The following COQ9 variants were observed in gnomAD, a reference collection of about 807,000 sequenced individuals.
COQ9 encodes the protein ubiquinone biosynthesis protein COQ9, mitochondrial.
Under a neutral mutation model 42.4 loss-of-function variants are expected in COQ9, and 35 were observed. The observed-to-expected ratio is 0.83, with a 90% CI of 0.63 to 1.10. The LOEUF is 1.10. COQ9 is among the 50% of genes least tolerant of loss of function. The pLI is 0.00. For missense variants in COQ9, 406 were observed against 414.6 expected, an observed-to-expected ratio of 0.98 and a Z score of 0.18; for synonymous variants, 155 against 155.1, an observed-to-expected ratio of 1.00 and a Z score of 0.00.
chr16:57,450,362 C>T (rs2030255033), intron 1 of COQ9, among the ~76,000 whole-genome samples: 1 of 148,616 alleles, frequency 6.7e-6, no homozygotes, highest in Admixed American at 6.8e-5. Context: ...TTGCAGTGAG[C>T]CGAGATAATC....
intron 1 of COQ9, among the ~76,000 whole-genome samples, chr16:57,450,531 C>G (rs1403634747): frequency 6.6e-6 from 1 of 151,636 alleles, no homozygotes; most frequent in East Asian, 1.9e-4. Context: ...GGAGATGTTG[C>G]AGATATTGCA....
rs564965604 is a variant in COQ9, at chr16:57,450,606, G to A, written c.74-434G>A. 1.8e-4 allele frequency among the ~76,000 whole-genome samples: 28 copies of A among 152,148 alleles called. No individual in the cohort carries two copies. The South Asian group carries it at 5.8e-3, about 32-fold the overall frequency. ...TACCATATAAACACTGGGGGAGTAG[G>A]GCTGAGACATTAAATTACTATTCCA... On this transcript the variant is annotated intron_variant, in intron 1 of 8. Transcript: ENST00000262507.
intron 1 of COQ9, 24 bp from the exon 2 acceptor site, chr16:57,451,016 C>T (rs766019914): frequency 3.1e-6 from 5 of 1,613,106 alleles, no homozygotes; most frequent in Non-Finnish European, 4.2e-6. Flanking sequence ...TTGAATGTCC[C>T]TGACTGACCA....
intron 3 of COQ9, among the ~76,000 whole-genome samples, chr16:57,456,236 TA>T (rs1259650872): frequency 2.6e-5 from 4 of 152,056 alleles, no homozygotes; most frequent in African/African-American, 9.7e-5. Context: ...GCTTAGTTTC[TA>T]AAAAAGAAAG....
chr16:57,453,223 G>A (rs922742103), intron 3 of COQ9: 1 of 500,608 alleles, frequency 2.0e-6, no homozygotes, highest in African/African-American at 1.9e-5. Flanking sequence ...AGATGCCATT[G>A]GTTGTAAGAA....
Position 57,460,782 on chromosome 16 carries a change from A to G in COQ9, c.*158A>G. On this transcript the variant is annotated 3_prime_UTR_variant, in exon 9 of 9. Coordinates refer to ENST00000262507, the MANE Select transcript of COQ9 (RefSeq NM_020312.4). ...CACAGCCACCTGGAAACCACAAGGCATTTGATGCTACCGTTCTGGTCAGGG... is the reference window on the plus strand; with the variant it reads ...CACAGCCACCTGGAAACCACAAGGCGTTTGATGCTACCGTTCTGGTCAGGG... 1 of 704,118 alleles carries G rather than the reference A, an allele frequency of 1.4e-6. No individual in the cohort carries two copies. Among genetic ancestry groups the G allele is most frequent in the Non-Finnish European group, 2.6e-6 (1 of 391,206 alleles). 43.6% of individuals were successfully genotyped at this position (704,118 alleles called of 1,614,324 possible).
intron 1 of COQ9, among the ~76,000 whole-genome samples, chr16:57,448,825 T>C (rs1455096425): frequency 6.6e-6 from 1 of 151,982 alleles, no homozygotes; most frequent in Non-Finnish European, 1.5e-5. Flanking sequence ...AAAAAGTTAG[T>C]ACAAGTATAT....
At position 57,456,664 on chromosome 16, in the gene COQ9, A is replaced by G. The variant is rs779539548; in HGVS notation, c.521+18A>G. On this transcript the variant is annotated intron_variant, in intron 4 of 8. Transcript: ENST00000262507. ...CAGGCGGAGTAAGTCCCATGGCATT[A>G]CTACTCAGGGTGGCAGCTAAGGATC... The G allele has an allele frequency of 2.5e-6, 4 of 1,611,492 alleles. No individual in the cohort carries two copies. In the African/African-American group the frequency reaches 5.3e-5, roughly 22 times the overall value.
At chr16:57,460,485 A>C in intron 8 of COQ9, 104 bp from the exon 9 acceptor site, 1 of 1,223,812 alleles carries the variant, frequency 8.2e-7, no homozygotes, top group Non-Finnish European at 1.2e-6. Flanking sequence ...TCTCTATGCA[A>C]AAAAGAAAAA....
chr16:57,458,494 T>C lies in COQ9; in HGVS notation c.711+144T>C, dbSNP rs376825541. 2.8e-4 allele frequency: 193 copies of C among 698,352 alleles called. No homozygotes were observed. In the African/African-American group the frequency reaches 2.8e-3, roughly 10 times the overall value. 43.3% of individuals were successfully genotyped at this position (698,352 alleles called of 1,614,324 possible). A position where few individuals can be genotyped will look rare whatever the true frequency, so the allele number is the denominator to read the frequency against. On this transcript the variant is annotated intron_variant, in intron 6 of 8. Transcript: ENST00000262507. ...CCATCTAAGGTATGAGGAAGGTCCG[T>C]CAAGAAGCCAAAGTGGGATCTAGGT...
At chr16:57,452,167 G>A (rs1437253974) in intron 2 of COQ9, among the ~76,000 whole-genome samples, 1 of 152,186 alleles carries the variant, frequency 6.6e-6, no homozygotes. Flanking sequence ...CCTGCCCTCA[G>A]GGAGGTAGTC....
chr16:57,452,664 A>T lies in COQ9; in HGVS notation c.243-137A>T, dbSNP rs933960305. 14 of 1,118,184 alleles carry T rather than the reference A, an allele frequency of 1.3e-5. No homozygotes were observed. The African/African-American group carries it at 1.8e-4, about 15-fold the overall frequency. The allele number at this position is 1,118,184 out of a possible 1,614,324, so 69.3% of individuals were successfully genotyped here. On this transcript the variant is annotated intron_variant, in intron 2 of 8. Transcript: ENST00000262507. ...CTCAAAAACAAAAAACAAACAAGAA[A>T]ACCACATTGATAGTGACACAAGAGT...
Position 57,451,053 on chromosome 16 carries a change from A to C in COQ9, c.87A>C (p.Arg29=). 1 of 1,613,982 alleles carries C rather than the reference A, an allele frequency of 6.2e-7. No homozygotes were observed. The highest frequency in any genetic ancestry group is 8.5e-7 in the Non-Finnish European group (1 of 1,180,012). Residue 29 remains arginine (R), a synonymous_variant, in exon 2 of 9, where the codon CGA becomes CGC. Transcript: ENST00000262507. ...TTTCTGTTTCAGTGGCCCGTTGCCG[A>C]CAAGCCCTGGTGCCGCGTGCCTTCC... ...QLRCLPVARC[R]QALVPRAFHA...
chr16:57,460,490 GAAAA>G lies in COQ9; in HGVS notation c.922-91_922-88del, dbSNP rs373854892. 110 of 987,602 alleles carry G rather than the reference GAAAA, an allele frequency of 1.1e-4. 2 individuals are homozygous for G. The highest frequency in any genetic ancestry group is 4.6e-4 in the South Asian group (27 of 58,994). The allele number at this position is 987,602 out of a possible 1,614,324, so 61.2% of individuals were successfully genotyped here. A position where few individuals can be genotyped will look rare whatever the true frequency, so the allele number is the denominator to read the frequency against. ...CAAAACCCTGTCTCTATGCAAAAAAGAAAAAAAAAAAGAGAAAAAGAAAAGCTAG... is the reference window on the plus strand; with the variant it reads ...CAAAACCCTGTCTCTATGCAAAAAAGAAAAAAAGAGAAAAAGAAAAGCTAG... On this transcript the variant is annotated intron_variant, in intron 8 of 8. Transcript: ENST00000262507.
At position 57,460,605 on chromosome 16, in the gene COQ9, G is replaced by T. The variant is rs756817639; in HGVS notation, c.938G>T (p.Gly313Val). The change falls in exon 9 of 9, where the codon GGT becomes GTT. Residue 313 changes from glycine (G) to valine (V), a missense_variant. Transcript: ENST00000262507. ...GAAVTLKNLT[G>V]LNQRR is the part of the protein sequence containing the mutation. ...CCGTGTCAGCTCAAGAACTTGACAG[G>T]TCTAAACCAGCGTCGGTGAGAGGAA... is the stretch of plus-strand genomic sequence containing the variant. 9.9e-6 allele frequency: 16 copies of T among 1,613,976 alleles called. No homozygotes were observed. The highest frequency in any genetic ancestry group is 5.9e-6 in the Non-Finnish European group (7 of 1,179,966).
rs59815351 is a variant in COQ9, at chr16:57,450,412, CAAAAAA to C, written c.74-615_74-610del. On this transcript the variant is annotated intron_variant, in intron 1 of 8. Coordinates refer to ENST00000262507, the MANE Select transcript of COQ9 (RefSeq NM_020312.4). ...CTTGGCCGACAGAGTGAGACTCTGA[CAAAAAA>C]AAAAAAAAAAAAGAAAATTTTTAGA... Among the ~76,000 whole-genome samples the C allele has an allele frequency of 8.7e-5, 8 of 92,462 alleles. 1 individual carries two copies. The East Asian group carries it at 1.4e-3, about 16-fold the overall frequency. 60.7% of individuals were successfully genotyped at this position (92,462 alleles called of 152,430 possible).
intron 7 of COQ9, 50 bp downstream of exon 7, chr16:57,459,770 TCTC>T: frequency 1.3e-6 from 2 of 1,598,334 alleles, no homozygotes; most frequent in South Asian, 1.1e-5. Context: ...GCATACCTAT[TCTC>T]CTCAGGTCAC....
At chr16:57,447,854 G>C (rs902986570) in intron 1 of COQ9, 1 of 346,966 alleles carries the variant, frequency 2.9e-6, no homozygotes. Context: ...AAGTCACGCA[G>C]CCTGAGCCTG....
intron 5 of COQ9, 178 bp downstream of exon 5, chr16:57,457,193 G>C (rs1181523289): frequency 1.5e-6 from 1 of 686,394 alleles, no homozygotes; most frequent in African/African-American, 1.8e-5. Flanking sequence ...ATACCAAAGA[G>C]AGTGACTGAG....
Sources: gnomAD v4.1 joint callset for allele counts (sites outside exome capture counted in the v4.1 genomes callset) on GRCh38, gnomAD v4.1.1 for gene constraint, MANE v1.5 for transcripts, NCBI Gene and HGNC (gene_info 2026-07-23, HGNC 2026-07-21) for gene names.